RXFP1: variants seen among roughly 807,000 people sequenced by gnomAD.
The protein encoded by RXFP1 is relaxin family peptide receptor 1, also known as relaxin receptor 1.
Under a neutral mutation model 89.8 loss-of-function variants are expected in RXFP1, and 73 were observed. The ratio of observed to expected loss-of-function variants is 0.81; its 90% CI spans 0.67 to 0.99. The LOEUF (loss-of-function observed/expected upper bound fraction) is 0.99. RXFP1 is among the 50% of genes least tolerant of loss of function. The pLI is 0.00. For synonymous variants in RXFP1, 277 were observed against 305.5 expected (o/e 0.91, Z 0.97); for missense variants, 793 against 895.5 (o/e 0.89, Z 1.46).
intron 17 of RXFP1, among the ~76,000 whole-genome samples, chr4:158,651,139 A>G (rs1290253947): frequency 6.6e-6 from 1 of 152,094 alleles, no homozygotes; most frequent in Non-Finnish European, 1.5e-5. Flanking sequence ...CAAAAACATA[A>G]AAACAAAGAG....
chr4:158,582,903 T>A (rs1482667785), intron 2 of RXFP1, among the ~76,000 whole-genome samples: 1 of 152,204 alleles, frequency 6.6e-6, no homozygotes, highest in Admixed American at 6.5e-5. Flanking sequence ...GCTCTTCTCT[T>A]TTTTGGTCTT....
In RXFP1 at chr4:158,652,742, A is replaced by G. The variant is rs1772958958; in HGVS notation, c.*687A>G. 1 of 152,232 alleles carries G rather than the reference A, an allele frequency of 6.6e-6. No homozygotes were observed. Among genetic ancestry groups the G allele is most frequent in the Non-Finnish European group, 1.5e-5 (1 of 68,056 alleles). 9.4% of individuals were successfully genotyped at this position (152,232 alleles called of 1,614,324 possible). Reference sequence around the variant, plus strand: ...CTCTTTGCTTTAAATGAACATCATCATATGGAATTGGAATAGGAGAGTATG... The same window carrying G: ...CTCTTTGCTTTAAATGAACATCATCGTATGGAATTGGAATAGGAGAGTATG... On this transcript the variant is annotated 3_prime_UTR_variant, in exon 18 of 18. Transcript: ENST00000307765.
intron 1 of RXFP1, among the ~76,000 whole-genome samples, chr4:158,523,877 G>A (rs1336354568): frequency 1.3e-5 from 2 of 152,082 alleles, no homozygotes; most frequent in Admixed American, 1.3e-4. Flanking sequence ...AATGCCCCAT[G>A]GTTGTTGTTT....
Position 158,647,025 on chromosome 4 carries a change from G to A in RXFP1, c.1580G>A (p.Arg527Lys), listed in dbSNP as rs948476240. Residue 527 changes from arginine to lysine, a missense_variant, in exon 16 of 18, where the codon AGA becomes AAA. Arg to Lys is a conservative substitution (Grantham distance 26). Coordinates refer to ENST00000307765, the MANE Select transcript of RXFP1 (RefSeq NM_021634.4). ...PFRCVRPGKC[R>K]TITVLILIWI... The stretch of plus-strand genomic sequence containing the variant: ...AGATGTGTGAGACCTGGAAAATGCA[G>A]AACAATTACAGTTCTGATTCTCATT... The A allele has an allele frequency of 6.2e-7, 1 of 1,614,078 alleles. No individual in the cohort carries two copies. Among genetic ancestry groups the A allele is most frequent in the Non-Finnish European group, 8.5e-7 (1 of 1,179,986 alleles).
At chr4:158,594,453 G>A (rs1277668030) in intron 3 of RXFP1, among the ~76,000 whole-genome samples, 5 of 152,052 alleles carry the variant, frequency 3.3e-5, no homozygotes, top group Non-Finnish European at 5.9e-5. Context: ...TATCTCATCA[G>A]ATCCTAAGCA....
rs772504610 is a variant in RXFP1, at chr4:158,647,172, C to G, written c.1727C>G (p.Ala576Gly). The change falls in exon 16 of 18, where the codon GCC becomes GGC. Residue 576 changes from alanine (A) to glycine (G), a missense_variant. Physicochemically the swap from Ala to Gly is moderately conservative, Grantham distance 60 (BLOSUM62 0). Coordinates refer to ENST00000307765, the MANE Select transcript of RXFP1 (RefSeq NM_021634.4). ...LHSEDTESIG[A>G]QIYSVAIFLG... ...TCAGAAGATACAGAAAGTATTGGAG[C>G]CCAGATTTATTCAGTGGCAATTTTT... 1.3e-6 allele frequency: 2 copies of G among 1,592,888 alleles called. No homozygotes were observed. Among genetic ancestry groups the G allele is most frequent in the South Asian group, 1.1e-5 (1 of 87,630 alleles).
At chr4:158,532,625 C>T (rs887582915) in intron 1 of RXFP1, among the ~76,000 whole-genome samples, 5 of 152,178 alleles carry the variant, frequency 3.3e-5, no homozygotes, top group Non-Finnish European at 4.4e-5. Context: ...GGATGAGTGA[C>T]ACCAGCACCC....
chr4:158,584,606 C>T (rs991221651), intron 2 of RXFP1, among the ~76,000 whole-genome samples: 2 of 152,174 alleles, frequency 1.3e-5, no homozygotes, highest in Non-Finnish European at 2.9e-5. Context: ...GTTCTGGCCT[C>T]TGCTCTGACA....
At chr4:158,555,835 C>G (rs573117588) in intron 1 of RXFP1, among the ~76,000 whole-genome samples, 2 of 152,248 alleles carry the variant, frequency 1.3e-5, no homozygotes, top group African/African-American at 4.8e-5. Context: ...GGAGAAAATA[C>G]AGTCTTTTCA....
At chr4:158,562,819 T>C (rs1752778332) in intron 1 of RXFP1, among the ~76,000 whole-genome samples, 1 of 151,792 alleles carries the variant, frequency 6.6e-6, no homozygotes, top group South Asian at 2.1e-4. Flanking sequence ...GCTCAAGGAC[T>C]GGGAACCTGC....
Position 158,549,396 on chromosome 4 carries a change from A to G in RXFP1, c.50-23302A>G, listed in dbSNP as rs185961556. Among the ~76,000 whole-genome samples the G allele has an allele frequency of 3.4e-3, 517 of 151,882 alleles. 1 individual carries two copies. The highest frequency in any genetic ancestry group is 0.012 in the African/African-American group (490 of 41,412). On this transcript the variant is annotated intron_variant, in intron 1 of 17. Coordinates refer to ENST00000307765, the MANE Select transcript of RXFP1 (RefSeq NM_021634.4). ...TTTAACTTCTTTGCCATTGATTTGAATTTCCTCCTGTAGTTTGGAGTAGTC... is the reference window on the plus strand; with the variant it reads ...TTTAACTTCTTTGCCATTGATTTGAGTTTCCTCCTGTAGTTTGGAGTAGTC...
chr4:158,535,775 C>G (rs971265716), intron 1 of RXFP1, among the ~76,000 whole-genome samples: 5 of 152,308 alleles, frequency 3.3e-5, no homozygotes, highest in Admixed American at 1.3e-4. Flanking sequence ...TAGGACCGGC[C>G]TTTTTGATAT....
At chr4:158,626,529 A>G (rs999660931) in intron 9 of RXFP1, among the ~76,000 whole-genome samples, 1 of 152,102 alleles carries the variant, frequency 6.6e-6, no homozygotes, top group Non-Finnish European at 1.5e-5. Flanking sequence ...ATCATAACAA[A>G]TGTTTTCAAT....
At chr4:158,545,163 C>G (rs1747946162) in intron 1 of RXFP1, among the ~76,000 whole-genome samples, 1 of 151,580 alleles carries the variant, frequency 6.6e-6, no homozygotes, top group African/African-American at 2.4e-5. Flanking sequence ...GATGGTATCT[C>G]ATTGTGGTTT....
At chr4:158,595,518 A>G (rs570793141) in intron 3 of RXFP1, among the ~76,000 whole-genome samples, 1 of 152,362 alleles carries the variant, frequency 6.6e-6, no homozygotes, top group African/African-American at 2.4e-5. Context: ...TAGTAGATCA[A>G]CAAAATATGA....
intron 9 of RXFP1, among the ~76,000 whole-genome samples, chr4:158,618,495 T>C (rs1428260200): frequency 6.6e-6 from 1 of 152,076 alleles, no homozygotes; most frequent in Non-Finnish European, 1.5e-5. Context: ...ATGTAAATTC[T>C]AGCTATCCAA....
intron 1 of RXFP1, among the ~76,000 whole-genome samples, chr4:158,558,869 T>G (rs1751873005): frequency 6.6e-6 from 1 of 152,202 alleles, no homozygotes; most frequent in Non-Finnish European, 1.5e-5. Flanking sequence ...TCAAATAATA[T>G]ATTTATTATA....
intron 1 of RXFP1, among the ~76,000 whole-genome samples, chr4:158,569,338 T>C (rs1754543400): frequency 6.6e-6 from 1 of 152,218 alleles, no homozygotes; most frequent in Non-Finnish European, 1.5e-5. Context: ...TGTATTATAC[T>C]ATAATGGTGG....
At chr4:158,530,440 G>A (rs1356781409) in intron 1 of RXFP1, among the ~76,000 whole-genome samples, 3 of 152,080 alleles carry the variant, frequency 2.0e-5, no homozygotes, top group Admixed American at 6.6e-5. Flanking sequence ...ATATTTTAAT[G>A]GTTTTTTCCC....
Sources: gnomAD v4.1 joint callset for allele counts (sites outside exome capture counted in the v4.1 genomes callset) on GRCh38, gnomAD v4.1.1 for gene constraint, MANE v1.5 for transcripts, NCBI Gene and HGNC (gene_info 2026-07-23, HGNC 2026-07-21) for gene names.